Variants in PKIB observed in about 807,000 individuals in gnomAD.
PKIB encodes the protein cAMP-dependent protein kinase inhibitor beta.
In PKIB, 2 loss-of-function variants were observed where a neutral mutation model predicts 4.5. The observed-to-expected ratio is 0.44, with a 90% CI of 0.18 to 1.39. PKIB has a LOEUF of 1.39. Among genes scored for constraint, PKIB ranks in the 40% most tolerant of loss-of-function variants. PKIB has a pLI of 0.27. For missense variants in PKIB, 94 were observed against 92.6 expected (o/e 1.02, Z -0.06); for synonymous variants, 38 against 36.0 (o/e 1.06, Z -0.20).
intron 3 of PKIB, among the ~76,000 whole-genome samples, chr6:122,678,666 G>A (rs746724035): frequency 4.6e-5 from 7 of 152,092 alleles, no homozygotes; most frequent in Non-Finnish European, 1.0e-4. Context: ...TATAGTCCTA[G>A]TTTCAAAAGC....
intron 2 of PKIB, among the ~76,000 whole-genome samples, chr6:122,520,661 T>TTCCTCC (rs1562237597): frequency 1.3e-4 from 7 of 55,520 alleles, no homozygotes; most frequent in Admixed American, 2.2e-4. Context: ...AAGTTTATGT[T>TTCCTCC]CCCACCCCCC....
rs542154784 is a variant in PKIB, at chr6:122,725,323, A to T, written c.*128A>T. The T allele has an allele frequency of 2.4e-5, 17 of 710,472 alleles. No individual in the cohort carries two copies. The African/African-American group carries it at 2.9e-4, about 12-fold the overall frequency. The allele number at this position is 710,472 out of a possible 1,614,324, so 44.0% of individuals were successfully genotyped here. Reference sequence around the variant, plus strand: ...CAGCCCTAAGCAGCATGTGTATATTAGATAATTGTGTTGTGATGCTACTCA... The same window carrying T: ...CAGCCCTAAGCAGCATGTGTATATTTGATAATTGTGTTGTGATGCTACTCA... On this transcript the variant is annotated 3_prime_UTR_variant, in exon 5 of 5. Transcript: ENST00000368452.
At chr6:122,471,961 T>C (rs924810625) in exon 1 of PKIB, 4 of 1,083,856 alleles carry the variant, frequency 3.7e-6, no homozygotes, top group Non-Finnish European at 5.1e-6. Context: ...TCTTCTTTCC[T>C]GGAGAATTTC....
At chr6:122,721,134 G>C (rs1193137813) in intron 4 of PKIB, among the ~76,000 whole-genome samples, 2 of 152,172 alleles carry the variant, frequency 1.3e-5, no homozygotes, top group Non-Finnish European at 2.9e-5. Context: ...ATATGAGAAG[G>C]AAAGACGGAG....
intron 2 of PKIB, among the ~76,000 whole-genome samples, chr6:122,672,003 G>C (rs925952279): frequency 6.6e-6 from 1 of 152,262 alleles, no homozygotes; most frequent in Non-Finnish European, 1.5e-5. Flanking sequence ...TTACAACTGA[G>C]GTCAGCTTGG....
chr6:122,594,494 C>T (rs543430262), intron 3 of PKIB, among the ~76,000 whole-genome samples: 5 of 152,258 alleles, frequency 3.3e-5, no homozygotes, highest in Admixed American at 6.5e-5. Context: ...CATGAACCAC[C>T]GTGCATGGCC....
chr6:122,476,860 A>G (rs1165296689), intron 1 of PKIB, among the ~76,000 whole-genome samples: 4 of 152,168 alleles, frequency 2.6e-5, no homozygotes, highest in Admixed American at 1.3e-4. Context: ...TCATTCACCC[A>G]AAACGTTATT....
At chr6:122,689,365 G>C (rs1319277285) in intron 3 of PKIB, among the ~76,000 whole-genome samples, 1 of 152,028 alleles carries the variant, frequency 6.6e-6, no homozygotes, top group Non-Finnish European at 1.5e-5. Flanking sequence ...TTGATCACTT[G>C]AAATTTTATT....
chr6:122,725,182 A>G lies in PKIB; in HGVS notation c.224A>G (p.Asn75Ser). ...CAAGACCAATTGGAAAAGCCTCAAAATGAAGAAAAATGAAGGCTCATAATC... is the reference window on the plus strand; with the variant it reads ...CAAGACCAATTGGAAAAGCCTCAAAGTGAAGAAAAATGAAGGCTCATAATC... Reference protein sequence around the residue: ...TTQDQLEKPQNEEK With the variant: ...TTQDQLEKPQSEEK The change falls in exon 5 of 5, where the codon AAT becomes AGT. Residue 75 changes from asparagine to serine, a missense_variant. Physicochemically the swap from Asn to Ser is conservative, Grantham distance 46 (BLOSUM62 1). Coordinates refer to ENST00000368452, the MANE Select transcript of PKIB (RefSeq NM_181795.3). The G allele has an allele frequency of 6.2e-7, 1 of 1,610,644 alleles. No homozygotes were observed. The highest frequency in any genetic ancestry group is 8.5e-7 in the Non-Finnish European group (1 of 1,178,304).
intron 2 of PKIB, among the ~76,000 whole-genome samples, chr6:122,502,025 T>C (rs1776254201): frequency 6.6e-6 from 1 of 151,376 alleles, no homozygotes; most frequent in Non-Finnish European, 1.5e-5. Context: ...CAATCTTGGC[T>C]CATTGCAACC....
chr6:122,595,726 A>G (rs1212431260), intron 3 of PKIB, among the ~76,000 whole-genome samples: 1 of 152,184 alleles, frequency 6.6e-6, no homozygotes, highest in Non-Finnish European at 1.5e-5. Context: ...TAACCAGGTC[A>G]GTCTTGGTGA....
At chr6:122,527,638 G>A (rs1047379032) in intron 2 of PKIB, among the ~76,000 whole-genome samples, 4 of 152,082 alleles carry the variant, frequency 2.6e-5, no homozygotes, top group Non-Finnish European at 5.9e-5. Flanking sequence ...GGAATGGTTT[G>A]TGGGGCCTCA....
At chr6:122,597,377 T>C (rs186528425) in intron 3 of PKIB, among the ~76,000 whole-genome samples, 1 of 152,326 alleles carries the variant, frequency 6.6e-6, no homozygotes. Flanking sequence ...TTGGACCTTA[T>C]GGACAGGAAT....
intron 2 of PKIB, among the ~76,000 whole-genome samples, chr6:122,516,090 T>G (rs757026820): frequency 1.3e-4 from 20 of 152,176 alleles, no homozygotes; most frequent in Non-Finnish European, 2.6e-4. Context: ...ACTAATGGGT[T>G]TCTCACAGAA....
chr6:122,599,071 A>T (rs1774272155), intron 3 of PKIB, among the ~76,000 whole-genome samples: 1 of 152,142 alleles, frequency 6.6e-6, no homozygotes, highest in Admixed American at 6.5e-5. Context: ...TAGTCTCGTT[A>T]TATGTCTGGA....
chr6:122,558,724 T>C (rs1772922659), intron 2 of PKIB, among the ~76,000 whole-genome samples: 1 of 152,186 alleles, frequency 6.6e-6, no homozygotes, highest in Non-Finnish European at 1.5e-5. Flanking sequence ...CTCTATTTTT[T>C]TAAATTTTAT....
At chr6:122,621,226 G>T (rs1004280391) in intron 1 of PKIB, among the ~76,000 whole-genome samples, 9 of 152,124 alleles carry the variant, frequency 5.9e-5, no homozygotes, top group Non-Finnish European at 1.3e-4. Flanking sequence ...CTTCTGGGGG[G>T]ATTAATGAGA....
intron 2 of PKIB, among the ~76,000 whole-genome samples, chr6:122,581,068 G>C (rs747853612): frequency 2.0e-5 from 3 of 152,166 alleles, no homozygotes; most frequent in Admixed American, 6.6e-5. Context: ...ACCAGAGCCA[G>C]GGACTTTTAG....
At chr6:122,633,204 A>T (rs1775769771) in intron 1 of PKIB, 79 bp from the exon 2 acceptor site, 1 of 152,184 alleles carries the variant, frequency 6.6e-6, no homozygotes, top group East Asian at 1.9e-4. Context: ...TCTAAGGAAC[A>T]ACTTGTTCTT....
Sources: gnomAD v4.1 joint callset for allele counts (sites outside exome capture counted in the v4.1 genomes callset) on GRCh38, gnomAD v4.1.1 for gene constraint, MANE v1.5 for transcripts, NCBI Gene and HGNC (gene_info 2026-07-23, HGNC 2026-07-21) for gene names.